CACNA2D1: variants seen among roughly 807,000 people sequenced by gnomAD.
CACNA2D1 encodes calcium voltage-gated channel auxiliary subunit alpha2delta 1.
A neutral mutation model predicts 171.5 loss-of-function variants in CACNA2D1; 53 were observed. The observed-to-expected ratio is 0.31, with a 90% CI of 0.25 to 0.39. The LOEUF is 0.39. Among genes scored for constraint, CACNA2D1 ranks in the 10% least tolerant of loss-of-function variants. The pLI is 1.00. For synonymous variants in CACNA2D1, 442 were observed against 443.1 expected (o/e 1.00, Z 0.03); for missense variants, 903 against 1,299.8 (o/e 0.69, Z 4.69).
chr7:82,040,508 T>C (rs1389920437), intron 10 of CACNA2D1, among the ~76,000 whole-genome samples: 4 of 106,398 alleles, frequency 3.8e-5, no homozygotes, highest in African/African-American at 1.4e-4. Flanking sequence ...TTTAAAGCCA[T>C]AGGAAAACAA....
chr7:81,974,649 A>C (rs1584249816), intron 24 of CACNA2D1, 97 bp from the exon 25 acceptor site: 2 of 656,702 alleles, frequency 3.0e-6, no homozygotes, highest in Admixed American at 5.0e-5. Context: ...TTTATTAGCC[A>C]CAAGACTTTG....
intron 3 of CACNA2D1, among the ~76,000 whole-genome samples, chr7:82,292,610 C>T (rs1372121286): frequency 1.3e-5 from 2 of 152,042 alleles, no homozygotes; most frequent in African/African-American, 4.8e-5. Flanking sequence ...CTTTAGCTTC[C>T]AGTGTTATTA....
Position 81,950,523 on chromosome 7 carries a change from A to AG in CACNA2D1, c.3160-16_3160-15insC. 1 of 1,601,916 alleles carries AG rather than the reference A, an allele frequency of 6.2e-7. No individual in the cohort carries two copies. Among genetic ancestry groups the AG allele is most frequent in the Non-Finnish European group, 8.5e-7 (1 of 1,174,380 alleles). ...GTATAATCCTCCTGTTGTTAAAAAA[A>AG]AAAGAAAAGAACAGAAAAAGAAAAA... On this transcript the variant is annotated splice_polypyrimidine_tract_variant and intron_variant, in intron 38 of 38. Transcript: ENST00000356860.
At chr7:82,192,089 T>C (rs1474913759) in intron 3 of CACNA2D1, among the ~76,000 whole-genome samples, 1 of 151,542 alleles carries the variant, frequency 6.6e-6, no homozygotes, top group Non-Finnish European at 1.5e-5. Context: ...TACTATCAGA[T>C]ACATAACTTT....
chr7:81,964,031 C>T, intron 34 of CACNA2D1, 25 bp downstream of exon 34: 1 of 1,597,980 alleles, frequency 6.3e-7, no homozygotes, highest in Non-Finnish European at 8.6e-7. Context: ...CTTTCATTAC[C>T]AATAAAACTA....
chr7:82,376,249 A>G (rs966078522), intron 1 of CACNA2D1, among the ~76,000 whole-genome samples: 3 of 152,140 alleles, frequency 2.0e-5, no homozygotes, highest in African/African-American at 7.2e-5. Flanking sequence ...ACAAATACCT[A>G]TCACTCACAC....
intron 4 of CACNA2D1, among the ~76,000 whole-genome samples, chr7:82,157,068 T>C (rs77651607): frequency 7.1e-4 from 108 of 152,260 alleles, no homozygotes; most frequent in African/African-American, 2.4e-3. Context: ...TGAATTATGG[T>C]ACAATTGCCT....
At chr7:82,341,289 C>A (rs981426741) in intron 2 of CACNA2D1, among the ~76,000 whole-genome samples, 1 of 151,892 alleles carries the variant, frequency 6.6e-6, no homozygotes, top group Non-Finnish European at 1.5e-5. Flanking sequence ...CATAAGTCTC[C>A]TCATCATCTA....
At chr7:82,371,875 C>A (rs1309636883) in intron 1 of CACNA2D1, among the ~76,000 whole-genome samples, 1 of 152,040 alleles carries the variant, frequency 6.6e-6, no homozygotes. Context: ...AGCTTTAATT[C>A]TTTTAAGAAC....
intron 4 of CACNA2D1, among the ~76,000 whole-genome samples, chr7:82,139,847 T>C (rs952427257): frequency 6.6e-6 from 1 of 151,412 alleles, no homozygotes; most frequent in Non-Finnish European, 1.5e-5. Context: ...TGCAATGGCA[T>C]GATCTCGGCT....
intron 1 of CACNA2D1, among the ~76,000 whole-genome samples, chr7:82,374,654 C>A (rs1019895305): frequency 6.6e-6 from 1 of 152,048 alleles, no homozygotes; most frequent in African/African-American, 2.4e-5. Flanking sequence ...GATTTAGCAA[C>A]ACCTTAATAA....
chr7:82,423,968 T>C (rs1178244313), intron 1 of CACNA2D1, among the ~76,000 whole-genome samples: 3 of 152,212 alleles, frequency 2.0e-5, no homozygotes, highest in South Asian at 2.1e-4. Context: ...AGAAGGTTTA[T>C]AATATGTATA....
intron 3 of CACNA2D1, among the ~76,000 whole-genome samples, chr7:82,220,820 C>A (rs540330200): frequency 2.0e-5 from 3 of 147,932 alleles, no homozygotes; most frequent in Non-Finnish European, 3.0e-5. Context: ...ACTCTGTCAC[C>A]GATGCTGCAG....
chr7:82,181,136 A>G (rs1797101732), intron 3 of CACNA2D1, among the ~76,000 whole-genome samples: 1 of 131,644 alleles, frequency 7.6e-6, no homozygotes. Flanking sequence ...GGGGAAGAGA[A>G]GTTTTAACCA....
In CACNA2D1 at chr7:82,154,222, T is replaced by C. The variant is rs938924017; in HGVS notation, c.354+16328A>G. On this transcript the variant is annotated intron_variant, in intron 4 of 38. Coordinates refer to ENST00000356860, the MANE Select transcript of CACNA2D1 (RefSeq NM_000722.4). ...CATATATCTGCATATGTAATGATTA[T>C]CTATATTTGTATAAAAAGCAGACAA... Among the ~76,000 whole-genome samples, 11 of 152,336 alleles carry C rather than the reference T, an allele frequency of 7.2e-5. No homozygotes were observed. The South Asian group carries it at 1.0e-3, about 14-fold the overall frequency.
At chr7:82,080,413 T>C (rs927624923) in intron 7 of CACNA2D1, among the ~76,000 whole-genome samples, 5 of 152,126 alleles carry the variant, frequency 3.3e-5, no homozygotes, top group African/African-American at 9.7e-5. Flanking sequence ...ACGAATAGGC[T>C]TTGCTTGATC....
At chr7:82,164,164 T>C (rs1035469442) in intron 4 of CACNA2D1, among the ~76,000 whole-genome samples, 7 of 152,064 alleles carry the variant, frequency 4.6e-5, no homozygotes, top group African/African-American at 7.2e-5. Flanking sequence ...CACAGTAATA[T>C]TGTCAATAAT....
intron 3 of CACNA2D1, among the ~76,000 whole-genome samples, chr7:82,302,624 G>A (rs1015132192): frequency 7.9e-5 from 12 of 152,050 alleles, no homozygotes; most frequent in Non-Finnish European, 1.6e-4. Flanking sequence ...TGTTGGTCAG[G>A]CTGGTCTCGA....
intron 1 of CACNA2D1, among the ~76,000 whole-genome samples, chr7:82,351,134 A>G (rs1031245371): frequency 6.6e-6 from 1 of 152,204 alleles, no homozygotes; most frequent in Non-Finnish European, 1.5e-5. Flanking sequence ...AGAATGCTAG[A>G]TGATTTATAT....
Sources: allele counts gnomAD v4.1 joint callset (sites outside exome capture counted in the v4.1 genomes callset), GRCh38; gene constraint gnomAD v4.1.1; transcripts MANE v1.5; gene names NCBI Gene and HGNC (gene_info 2026-07-23, HGNC 2026-07-21).